Variants in CREB5 observed in about 807,000 individuals in gnomAD.
CREB5 encodes the protein cAMP responsive element binding protein 5, also known as cyclic AMP-responsive element-binding protein 5.
Under a neutral mutation model 57.1 loss-of-function variants are expected in CREB5, and 19 were observed. The observed-to-expected ratio is 0.33, with a 90% CI of 0.23 to 0.49. The LOEUF is 0.49. CREB5 is among the 20% of genes least tolerant of loss of function. The probability of loss-of-function intolerance (pLI) is 0.99; values close to 1 mark genes in which losing one functional copy is unlikely to be tolerated. For synonymous variants in CREB5, 238 were observed against 238.3 expected (o/e 1.00, Z 0.01); for missense variants, 579 against 671.6 (o/e 0.86, Z 1.52).
chr7:28,327,812 T>G (rs1232251631), intron 1 of CREB5, among the ~76,000 whole-genome samples: 2 of 152,226 alleles, frequency 1.3e-5, no homozygotes, highest in Non-Finnish European at 2.9e-5. Flanking sequence ...ACACAGATAT[T>G]AGAAATTGTT....
intron 7 of CREB5, among the ~76,000 whole-genome samples, chr7:28,762,410 T>C (rs916852951): frequency 1.3e-5 from 2 of 152,244 alleles, no homozygotes; most frequent in Non-Finnish European, 2.9e-5. Flanking sequence ...CCCTTTATTT[T>C]GTAACTTTAT....
At chr7:28,766,884 T>C (rs1361002893) in intron 7 of CREB5, among the ~76,000 whole-genome samples, 1 of 152,230 alleles carries the variant, frequency 6.6e-6, no homozygotes, top group Non-Finnish European at 1.5e-5. Context: ...ATGTACAAGA[T>C]AACTCTTGGG....
At chr7:28,633,662 C>G (rs1798292644) in intron 5 of CREB5, among the ~76,000 whole-genome samples, 1 of 152,130 alleles carries the variant, frequency 6.6e-6, no homozygotes, top group South Asian at 2.1e-4. Context: ...TACTTTGTGT[C>G]TGAACACTCT....
At chr7:28,587,913 C>G (rs1203038467) in intron 5 of CREB5, among the ~76,000 whole-genome samples, 1 of 152,174 alleles carries the variant, frequency 6.6e-6, no homozygotes, top group Admixed American at 6.5e-5. Context: ...CATTTCCTGA[C>G]TGCTTTTCTA....
chr7:28,343,675 G>A (rs891632858), intron 1 of CREB5, among the ~76,000 whole-genome samples: 4 of 152,136 alleles, frequency 2.6e-5, no homozygotes, highest in Non-Finnish European at 4.4e-5. Flanking sequence ...CAATAAACAT[G>A]GGCATGCAGG....
At chr7:28,415,231 T>C (rs1232359151) in intron 1 of CREB5, among the ~76,000 whole-genome samples, 2 of 152,174 alleles carry the variant, frequency 1.3e-5, no homozygotes, top group African/African-American at 4.8e-5. Context: ...CAAAGGCTTA[T>C]GGCTTTACAC....
chr7:28,790,923 A>G (rs1807669677), intron 7 of CREB5, among the ~76,000 whole-genome samples: 1 of 152,206 alleles, frequency 6.6e-6, no homozygotes, highest in African/African-American at 2.4e-5. Flanking sequence ...CATTTGGTTA[A>G]CCATTTTGTT....
At chr7:28,637,847 A>C (rs775696089) in intron 5 of CREB5, among the ~76,000 whole-genome samples, 1 of 152,074 alleles carries the variant, frequency 6.6e-6, no homozygotes, top group Non-Finnish European at 1.5e-5. Context: ...TTTATTTTTT[A>C]CTGTGTTTTT....
intron 4 of CREB5, among the ~76,000 whole-genome samples, chr7:28,511,408 G>C (rs1218418662): frequency 6.6e-6 from 1 of 152,178 alleles, no homozygotes; most frequent in Non-Finnish European, 1.5e-5. Flanking sequence ...AGAGATCCGG[G>C]TCTGGGAGGG....
chr7:28,806,282 T>C (rs1394019122), intron 8 of CREB5, among the ~76,000 whole-genome samples: 1 of 152,198 alleles, frequency 6.6e-6, no homozygotes, highest in Non-Finnish European at 1.5e-5. Context: ...CTTTTTTTAA[T>C]TGTATGCTAA....
intron 7 of CREB5, among the ~76,000 whole-genome samples, chr7:28,759,277 G>C (rs186887674): frequency 6.6e-6 from 1 of 152,254 alleles, no homozygotes; most frequent in East Asian, 1.9e-4. Flanking sequence ...ATCATGTCAA[G>C]TAAAAAGGAA....
rs1240217841 is a variant in CREB5, at chr7:28,486,693, T to A, written c.4-1482T>A. Among the ~76,000 whole-genome samples, 3 of 134,940 alleles carry A rather than the reference T, an allele frequency of 2.2e-5. No individual in the cohort carries two copies. In the South Asian group the frequency reaches 6.9e-4, roughly 31 times the overall value. The allele number at this position is 134,940 out of a possible 152,430, so 88.5% of individuals were successfully genotyped here. ...TTTTATATATATATATATATATATA[T>A]GTTACTGTGTGGATTGGTAACCACA... On this transcript the variant is annotated intron_variant, in intron 1 of 10. Coordinates refer to ENST00000357727, the MANE Select transcript of CREB5 (RefSeq NM_182898.4).
intron 1 of CREB5, among the ~76,000 whole-genome samples, chr7:28,445,540 ATTC>A (rs1413761747): frequency 2.0e-5 from 3 of 151,434 alleles, no homozygotes; most frequent in African/African-American, 7.3e-5. Context: ...GGGAGCCAAT[ATTC>A]TTCTTTTTCT....
intron 4 of CREB5, among the ~76,000 whole-genome samples, chr7:28,569,855 T>A (rs1795628164): frequency 1.3e-5 from 2 of 152,196 alleles, no homozygotes; most frequent in Non-Finnish European, 2.9e-5. Context: ...TTGTTGAGCT[T>A]GTGTCCTCAG....
At chr7:28,452,662 A>G (rs1257891999) in intron 1 of CREB5, among the ~76,000 whole-genome samples, 1 of 152,198 alleles carries the variant, frequency 6.6e-6, no homozygotes, top group East Asian at 1.9e-4. Flanking sequence ...CTAGAGCCCC[A>G]TGAGAGCTGG....
At chr7:28,704,120 C>T (rs1264931579) in intron 5 of CREB5, among the ~76,000 whole-genome samples, 1 of 152,182 alleles carries the variant, frequency 6.6e-6, no homozygotes. Context: ...GACAGAACTG[C>T]TTATTTGGGG....
At chr7:28,439,382 A>G (rs1464324534) in intron 1 of CREB5, among the ~76,000 whole-genome samples, 2 of 152,168 alleles carry the variant, frequency 1.3e-5, no homozygotes, top group African/African-American at 4.8e-5. Context: ...AAACTACCAG[A>G]CCTTTCTTAA....
intron 1 of CREB5, among the ~76,000 whole-genome samples, chr7:28,372,468 G>A (rs1255476606): frequency 1.3e-5 from 2 of 152,164 alleles, no homozygotes; most frequent in Non-Finnish European, 2.9e-5. Context: ...ATAAAGCTCA[G>A]CAATATATTT....
intron 1 of CREB5, among the ~76,000 whole-genome samples, chr7:28,388,224 C>T (rs749906920): frequency 3.8e-4 from 58 of 152,140 alleles, no homozygotes; most frequent in South Asian, 8.3e-4. Flanking sequence ...CAATTTAATG[C>T]CAGACCTTTG....
Sources: gnomAD v4.1 joint callset for allele counts (sites outside exome capture counted in the v4.1 genomes callset) on GRCh38, gnomAD v4.1.1 for gene constraint, MANE v1.5 for transcripts, NCBI Gene and HGNC (gene_info 2026-07-23, HGNC 2026-07-21) for gene names.